B3GALT5: variants seen among roughly 807,000 people sequenced by gnomAD.
B3GALT5 encodes the protein beta-1,3-galactosyltransferase 5, also known as UDP-Gal:betaGlcNAc beta 1,3-galactosyltransferase, polypeptide 5.
For synonymous variants in B3GALT5, 156 were observed against 158.6 expected (o/e 0.98, Z 0.12); for missense variants, 328 against 396.6 (o/e 0.83, Z 1.47).
intron 2 of B3GALT5, among the ~76,000 whole-genome samples, chr21:39,651,520 C>G (rs1337733509): frequency 6.6e-6 from 1 of 152,184 alleles, no homozygotes; most frequent in Non-Finnish European, 1.5e-5. Context: ...GAGAAATACC[C>G]ATCATATGGG....
At chr21:39,634,661 C>T (rs1240802239) in intron 1 of B3GALT5, among the ~76,000 whole-genome samples, 1 of 151,928 alleles carries the variant, frequency 6.6e-6, no homozygotes, top group Non-Finnish European at 1.5e-5. Context: ...CTGCAGGGGG[C>T]CTTAACCCTC....
intron 2 of B3GALT5, chr21:39,657,835 A>G: frequency 8.1e-7 from 1 of 1,231,656 alleles, no homozygotes; most frequent in Non-Finnish European, 1.0e-6. Context: ...AGAAACTGCC[A>G]TTCCGTTATT....
At chr21:39,623,805 G>A (rs2079149990) in intron 1 of B3GALT5, among the ~76,000 whole-genome samples, 2 of 152,190 alleles carry the variant, frequency 1.3e-5, no homozygotes, top group Admixed American at 1.3e-4. Flanking sequence ...AGTACCTAGA[G>A]TCCAGTTTTG....
chr21:39,639,288 C>CTCTCTCTTTCTT (rs2079254655), intron 1 of B3GALT5, among the ~76,000 whole-genome samples: 1 of 98,428 alleles, frequency 1.0e-5, no homozygotes. Flanking sequence ...AGGCATCTGG[C>CTCTCTCTTTCTT]TCTTTCTTTC....
rs56684550 is a variant in B3GALT5 at position 39,659,734 on chromosome 21, C to CTT, written c.-160-7_-160-6dup. ...AGGCACGAGTGATTTGAATGACACTCTTTTTTTTTTTTTCCTAGTGATTCC... is the reference window on the plus strand; with the variant it reads ...AGGCACGAGTGATTTGAATGACACTCTTTTTTTTTTTTTTTCCTAGTGATTCC... On this transcript the variant is annotated intron_variant, in intron 2 of 3. Transcript: ENST00000684187. 67 of 782,296 alleles carry CTT rather than the reference C, an allele frequency of 8.6e-5. No individual in the cohort carries two copies. The South Asian group carries it at 1.9e-3, about 22-fold the overall frequency. The allele number at this position is 782,296 out of a possible 1,614,324, so 48.5% of individuals were successfully genotyped here.
At chr21:39,652,679 A>G (rs1170896250) in intron 2 of B3GALT5, among the ~76,000 whole-genome samples, 1 of 152,236 alleles carries the variant, frequency 6.6e-6, no homozygotes, top group Non-Finnish European at 1.5e-5. Flanking sequence ...CAATTAGTGA[A>G]ATATTATGAG....
chr21:39,639,288 C>CTCTTTCTTTCTTTCTTTCTTTCTCTCTT (rs2079254788), intron 1 of B3GALT5, among the ~76,000 whole-genome samples: 1 of 98,428 alleles, frequency 1.0e-5, no homozygotes, highest in African/African-American at 3.6e-5. Context: ...AGGCATCTGG[C>CTCTTTCTTTCTTTCTTTCTTTCTCTCTT]TCTTTCTTTC....
chr21:39,661,363 A>T lies in B3GALT5; in HGVS notation c.804A>T (p.Pro268=), dbSNP rs771791255. The T allele has an allele frequency of 2.5e-6, 4 of 1,609,116 alleles. No individual in the cohort carries two copies. Residue 268 remains proline, a synonymous_variant, in exon 4 of 4, where the codon CCA becomes CCT. Transcript: ENST00000684187. This position sits in a 1 kb window ranked among gnomAD's most constrained non-coding sequence, Gnocchi z 4.7. The part of the protein sequence containing the change: ...EELHSQPTFF[P]GGLRFSVCLF... ...TCCACTCCCAGCCGACCTTTTTTCC[A>T]GGGGGCTTACGCTTCTCCGTATGCC...
chr21:39,624,851 GT>G (rs55894121), intron 1 of B3GALT5, among the ~76,000 whole-genome samples: 12,455 of 146,738 alleles, frequency 0.085, 612 homozygotes, highest in Non-Finnish European at 0.11. Flanking sequence ...CAAGGCGATA[GT>G]TTTTTTTTTT....
At chr21:39,613,890 C>G (rs1225920251) in intron 1 of B3GALT5, among the ~76,000 whole-genome samples, 2 of 152,190 alleles carry the variant, frequency 1.3e-5, no homozygotes, top group Admixed American at 1.3e-4. Context: ...GCATAGCAAA[C>G]TTAAGTCTTT....
intron 1 of B3GALT5, among the ~76,000 whole-genome samples, chr21:39,637,062 A>G (rs911320330): frequency 6.6e-6 from 1 of 152,126 alleles, no homozygotes; most frequent in African/African-American, 2.4e-5. Context: ...GCTCCTCTTG[A>G]TCCCCTGGGA....
chr21:39,645,212 C>T (rs142148777), intron 1 of B3GALT5, among the ~76,000 whole-genome samples: 4 of 152,276 alleles, frequency 2.6e-5, no homozygotes, highest in East Asian at 3.9e-4. Context: ...CCACAGGCAG[C>T]GGGCATATAA....
chr21:39,619,765 A>G (rs1198800525), intron 1 of B3GALT5, among the ~76,000 whole-genome samples: 1 of 152,082 alleles, frequency 6.6e-6, no homozygotes, highest in African/African-American at 2.4e-5. Context: ...CTGGGAAGGT[A>G]AGTTACCACT....
chr21:39,632,379 G>A lies in B3GALT5; in HGVS notation c.-391-14013G>A, dbSNP rs554784414. 2.0e-4 allele frequency among the ~76,000 whole-genome samples: 30 copies of A among 152,300 alleles called. 1 individual carries two copies. The highest frequency in any genetic ancestry group is 6.7e-4 in the African/African-American group (28 of 41,556). On this transcript the variant is annotated intron_variant, in intron 1 of 3. Transcript: ENST00000684187. The stretch of plus-strand genomic sequence containing the variant: ...ATAAGCAGTGGGAATGGAGGCCGGA[G>A]TACAGTGGGTTGAGGTTAATTACGT...
intron 1 of B3GALT5, among the ~76,000 whole-genome samples, chr21:39,625,618 A>G (rs2079159578): frequency 6.6e-6 from 1 of 152,194 alleles, no homozygotes; most frequent in African/African-American, 2.4e-5. Flanking sequence ...AAGATTTCCA[A>G]AAAGTCCTCA....
chr21:39,639,877 C>T (rs1364635742), intron 1 of B3GALT5, among the ~76,000 whole-genome samples: 1 of 152,112 alleles, frequency 6.6e-6, no homozygotes, highest in African/African-American at 2.4e-5. Flanking sequence ...GTTAGAGCCT[C>T]CTCTCTTCAT....
Position 39,636,982 on chromosome 21 carries a change from C to T in B3GALT5, c.-391-9410C>T, listed in dbSNP as rs75314383. Among the ~76,000 whole-genome samples, 311 of 152,266 alleles carry T rather than the reference C, an allele frequency of 2.0e-3. 5 individuals are homozygous for T. In the East Asian group the frequency reaches 0.022, roughly 11 times the overall value. The stretch of plus-strand genomic sequence containing the variant: ...TTCTCATTCATGGGACTGTTTCTTG[C>T]AAGTGTCTTCCTCTTAGTGTCTGTG... On this transcript the variant is annotated intron_variant, in intron 1 of 3. Coordinates refer to ENST00000684187, the MANE Select transcript of B3GALT5 (RefSeq NM_001356336.2).
chr21:39,627,978 T>C (rs2079172862), intron 1 of B3GALT5, among the ~76,000 whole-genome samples: 1 of 152,208 alleles, frequency 6.6e-6, no homozygotes, highest in Non-Finnish European at 1.5e-5. Context: ...TGATAGGCAT[T>C]TATACTAGTC....
intron 3 of B3GALT5, among the ~76,000 whole-genome samples, 193 bp downstream of exon 3, chr21:39,660,105 T>C (rs2079495693): frequency 6.6e-6 from 1 of 152,154 alleles, no homozygotes; most frequent in South Asian, 2.1e-4. Flanking sequence ...GACTTGCTTT[T>C]TTCTGGGAGC....
Sources: gnomAD v4.1 joint callset for allele counts (sites outside exome capture counted in the v4.1 genomes callset) on GRCh38, gnomAD v4.1.1 for gene constraint, Gnocchi (gnomAD v3.1) non-coding constraint, MANE v1.5 for transcripts, NCBI Gene and HGNC (gene_info 2026-07-23, HGNC 2026-07-21) for gene names.